DNAH7: variants seen among roughly 807,000 people sequenced by gnomAD.
DNAH7 encodes the protein dynein axonemal heavy chain 7, also known as axonemal beta dynein heavy chain 7.
Under a neutral mutation model 444.6 loss-of-function variants are expected in DNAH7, and 397 were observed. The ratio of observed to expected loss-of-function variants is 0.89; its 90% confidence interval spans 0.82 to 0.97. The LOEUF is 0.97. Among genes scored for constraint, DNAH7 ranks in the 50% least tolerant of loss-of-function variants. The pLI is 0.00. For missense variants in DNAH7, 4,902 were observed against 4,800.8 expected, an observed-to-expected ratio of 1.02 and a Z score of -0.62; for synonymous variants, 1,636 against 1,624.4, an observed-to-expected ratio of 1.01 and a Z score of -0.17.
chr2:195,872,467 T>C lies in DNAH7; in HGVS notation c.6416A>G (p.Tyr2139Cys). 1.3e-6 allele frequency: 2 copies of C among 1,578,444 alleles called. No homozygotes were observed. Among genetic ancestry groups the C allele is most frequent in the Non-Finnish European group, 1.7e-6 (2 of 1,161,816 alleles). The change falls in exon 40 of 65, where the codon TAT (tyrosine) becomes TGT (cysteine). Residue 2139 changes from tyrosine (Y) to cysteine (C), a missense_variant and splice_region_variant. Tyr to Cys is a radical substitution (Grantham distance 194). Coordinates refer to ENST00000312428, the MANE Select transcript of DNAH7 (RefSeq NM_018897.3). ...RILTWHLEIC[Y>C]KFPDEFLDLT... is the part of the protein sequence containing the mutation. ...ATCTAGAAATTCATCTGGAAATTTA[T>C]AACTTAAAAATTTTTTAAATAAAAA... is the stretch of plus-strand genomic sequence containing the variant.
intron 12 of DNAH7, chr2:195,994,338 A>G: frequency 1.6e-6 from 1 of 616,988 alleles, no homozygotes; most frequent in Non-Finnish European, 2.8e-6. Context: ...CCCAAGGCTC[A>G]GGAGACAGTC....
chr2:195,843,722 A>G (rs1353007844), intron 47 of DNAH7, among the ~76,000 whole-genome samples: 1 of 152,230 alleles, frequency 6.6e-6, no homozygotes, highest in African/African-American at 2.4e-5. Flanking sequence ...AATGAATGCT[A>G]AAGAAATCCA....
rs935635148 is a variant in DNAH7 at position 195,737,827 on chromosome 2, TAAAC to T, written c.*90_*93del. On this transcript the variant is annotated 3_prime_UTR_variant, in exon 65 of 65. Coordinates refer to ENST00000312428, the MANE Select transcript of DNAH7 (RefSeq NM_018897.3). ...AATTATAACTTTAGTCAAATGTATT[TAAAC>T]AAACAAAAAAAAAGGTTTAAGTAGT... 18 of 1,171,424 alleles carry T rather than the reference TAAAC, an allele frequency of 1.5e-5. No individual in the cohort carries two copies. The highest frequency in any genetic ancestry group is 5.0e-5 in the Admixed American group (2 of 40,398). 72.6% of individuals were successfully genotyped at this position (1,171,424 alleles called of 1,614,324 possible).
chr2:195,856,102 T>C (rs1699688060), intron 44 of DNAH7, 111 bp from the exon 45 acceptor site: 3 of 958,856 alleles, frequency 3.1e-6, no homozygotes, highest in East Asian at 2.7e-5. Context: ...CACTTCTTTA[T>C]GCAAAAATCT....
chr2:196,068,776 A>G lies in DNAH7; in HGVS notation c.-65T>C. 6.5e-7 allele frequency: 1 copy of G among 1,543,412 alleles called. No homozygotes were observed. The highest frequency in any genetic ancestry group is 2.5e-5 in the East Asian group (1 of 40,648). On this transcript the variant is annotated 5_prime_UTR_variant, in exon 1 of 65. Transcript: ENST00000312428. ...TGCTCCTGCCCGCGGAACCCCTAGGACGATAGAGGCAGGGCCCCGGGACTT... is the reference window on the plus strand; with the variant it reads ...TGCTCCTGCCCGCGGAACCCCTAGGGCGATAGAGGCAGGGCCCCGGGACTT...
At chr2:195,738,234 C>A (rs557345342) in intron 64 of DNAH7, 107 bp from the exon 65 acceptor site, 20 of 941,464 alleles carry the variant, frequency 2.1e-5, no homozygotes, top group Non-Finnish European at 3.2e-5. Context: ...ATGCAGATTT[C>A]TGTGGCCCAA....
At chr2:195,846,949 A>ATGTGTGTGTGTGTGTGTGTGTGTGTGTG (rs35075325) in intron 46 of DNAH7, among the ~76,000 whole-genome samples, 55 of 137,214 alleles carry the variant, frequency 4.0e-4, no homozygotes, top group African/African-American at 1.3e-3. Context: ...ACTCCCATAT[A>ATGTGTGTGTGTGTGTGTGTGTGTGTGTG]TGTGTGTGTG....
intron 34 of DNAH7, 53 bp from the exon 35 acceptor site, chr2:195,884,862 G>A: frequency 6.9e-7 from 1 of 1,449,278 alleles, no homozygotes; most frequent in Admixed American, 1.9e-5. Context: ...ATTTTAATCT[G>A]TCCTTGAAGC....
intron 12 of DNAH7, among the ~76,000 whole-genome samples, chr2:195,999,663 A>C (rs1042356675): frequency 1.3e-5 from 2 of 152,100 alleles, no homozygotes; most frequent in Non-Finnish European, 2.9e-5. Context: ...AACATGACTA[A>C]GTATAAAAGA....
intron 25 of DNAH7, among the ~76,000 whole-genome samples, chr2:195,908,095 G>T (rs1288403373): frequency 6.6e-6 from 1 of 151,708 alleles, no homozygotes; most frequent in African/African-American, 2.4e-5. Flanking sequence ...CTAAATAAAA[G>T]AATGAAGACG....
intron 17 of DNAH7, among the ~76,000 whole-genome samples, chr2:195,962,456 C>T (rs1016065683): frequency 1.3e-5 from 2 of 152,106 alleles, no homozygotes; most frequent in African/African-American, 4.8e-5. Flanking sequence ...CTCAAATGAT[C>T]CTCCCACTTT....
intron 15 of DNAH7, among the ~76,000 whole-genome samples, chr2:195,978,035 C>T (rs1023975470): frequency 1.3e-5 from 2 of 151,882 alleles, no homozygotes; most frequent in African/African-American, 4.8e-5. Context: ...CAATAATGAA[C>T]AATAATAAAT....
intron 10 of DNAH7, among the ~76,000 whole-genome samples, chr2:196,007,566 T>C (rs962122729): frequency 2.0e-5 from 3 of 152,082 alleles, no homozygotes; most frequent in African/African-American, 7.2e-5. Flanking sequence ...TCCACCCAAA[T>C]CTCACCTTGA....
intron 54 of DNAH7, among the ~76,000 whole-genome samples, chr2:195,805,064 G>A (rs928974841): frequency 1.3e-5 from 2 of 151,868 alleles, no homozygotes; most frequent in South Asian, 4.2e-4. Flanking sequence ...CACCTCCCTC[G>A]AATATACTTT....
At chr2:195,967,043 C>G (rs1691526421) in intron 17 of DNAH7, among the ~76,000 whole-genome samples, 4 of 152,162 alleles carry the variant, frequency 2.6e-5, no homozygotes, top group African/African-American at 9.6e-5. Context: ...TTCCTTCCTT[C>G]CTATCTTCCT....
intron 60 of DNAH7, among the ~76,000 whole-genome samples, chr2:195,773,108 ACATACCAC>A (rs1694917153): frequency 6.6e-6 from 1 of 152,122 alleles, no homozygotes; most frequent in Non-Finnish European, 1.5e-5. Flanking sequence ...ACTACTTACC[ACATACCAC>A]CATAATATCC....
chr2:195,740,332 C>CTCATG (rs953997724), intron 64 of DNAH7, among the ~76,000 whole-genome samples: 1 of 152,128 alleles, frequency 6.6e-6, no homozygotes, highest in Admixed American at 6.5e-5. Flanking sequence ...AAAATATTAG[C>CTCATG]TCATGCCTCA....
intron 61 of DNAH7, among the ~76,000 whole-genome samples, chr2:195,766,521 A>G (rs1384256323): frequency 6.6e-6 from 1 of 152,022 alleles, no homozygotes; most frequent in African/African-American, 2.4e-5. Flanking sequence ...GAGTAGAATG[A>G]TGGCTACCAG....
In DNAH7 at chr2:196,019,233, T is replaced by A. The variant is rs200888883; in HGVS notation, c.806A>T (p.Asp269Val). The A allele has an allele frequency of 8.1e-5, 123 of 1,527,656 alleles. No homozygotes were observed. In the Middle Eastern group the frequency reaches 1.2e-3, roughly 15 times the overall value. The allele number at this position is 1,527,656 out of a possible 1,614,324, so 94.6% of individuals were successfully genotyped here. ...SFLAASSYIR[D>V]HLNAMNPTML... ...TGTGGGGTTCATTGCATTCAAGTGA[T>A]CCCTAATATAACTGCTTGCAGCTAA... is the stretch of plus-strand genomic sequence containing the variant. The change falls in exon 9 of 65, where the codon GAT (aspartate) becomes GTT (valine). Residue 269 changes from aspartate to valine, a missense_variant. Transcript: ENST00000312428.
Sources: allele counts gnomAD v4.1 joint callset (sites outside exome capture counted in the v4.1 genomes callset), GRCh38; gene constraint gnomAD v4.1.1; transcripts MANE v1.5; gene names NCBI Gene and HGNC (gene_info 2026-07-23, HGNC 2026-07-21).